The following PLXNA4 variants were observed in gnomAD, a reference collection of about 807,000 sequenced individuals.
PLXNA4 encodes plexin-A4.
In PLXNA4, 44 loss-of-function variants were observed where a neutral mutation model predicts 191.8. That is an observed-to-expected ratio of 0.23 (90% CI 0.18 to 0.29). The LOEUF is 0.29. PLXNA4 is among the 10% of genes least tolerant of loss of function. PLXNA4 has a pLI of 1.00. For synonymous variants in PLXNA4, 1,082 were observed against 1,009.5 expected (o/e 1.07, Z -1.36); for missense variants, 1,800 against 2,488.8 (o/e 0.72, Z 5.89).
intron 2 of PLXNA4, among the ~76,000 whole-genome samples, chr7:132,632,436 G>T (rs1218180865): frequency 3.9e-5 from 6 of 152,062 alleles, no homozygotes; most frequent in Non-Finnish European, 8.8e-5. Flanking sequence ...CCACTTTACG[G>T]ATCAGGAACC....
chr7:132,315,090 C>A (rs1237292623), intron 3 of PLXNA4, among the ~76,000 whole-genome samples: 3 of 152,210 alleles, frequency 2.0e-5, no homozygotes, highest in Non-Finnish European at 4.4e-5. Flanking sequence ...TCTTCCTTGA[C>A]TTTTCCATTT....
At position 132,240,933 on chromosome 7, in the gene PLXNA4, C is replaced by A. The variant is rs144815741; in HGVS notation, c.1604+133G>T. On this transcript the variant is annotated intron_variant, in intron 5 of 31. Transcript: ENST00000321063. ...AGGGAGATAACATTTGGAAAGGATG[C>A]AAGGAAGGAAGAGCAAGAATAGCTG... is the stretch of plus-strand genomic sequence containing the variant. 1.1e-3 allele frequency: 625 copies of A among 591,056 alleles called. 9 individuals are homozygous for A. The highest frequency in any genetic ancestry group is 0.011 in the African/African-American group (566 of 53,678). 36.6% of individuals were successfully genotyped at this position (591,056 alleles called of 1,614,324 possible). A position where few individuals can be genotyped will look rare whatever the true frequency, so the allele number is the denominator to read the frequency against.
At chr7:132,591,672 T>G (rs1032842550) in intron 2 of PLXNA4, among the ~76,000 whole-genome samples, 6 of 152,148 alleles carry the variant, frequency 3.9e-5, no homozygotes, top group African/African-American at 1.4e-4. Flanking sequence ...CTTAAAAACA[T>G]AACACATATA....
chr7:132,615,445 C>T (rs950365673), intron 2 of PLXNA4, among the ~76,000 whole-genome samples: 22 of 152,260 alleles, frequency 1.4e-4, no homozygotes, highest in African/African-American at 4.3e-4. Flanking sequence ...CCACCGCAGG[C>T]GGCCCGCAGT....
intron 10 of PLXNA4, among the ~76,000 whole-genome samples, chr7:132,210,572 A>G (rs1375450905): frequency 2.0e-5 from 3 of 152,250 alleles, no homozygotes; most frequent in African/African-American, 7.2e-5. Context: ...GGCAGGGCGC[A>G]GGGCTTTCAG....
At chr7:132,133,846 C>T (rs772506865) in intron 30 of PLXNA4, among the ~76,000 whole-genome samples, 13 of 152,204 alleles carry the variant, frequency 8.5e-5, no homozygotes, top group Non-Finnish European at 1.5e-4. Context: ...TAATGAGGAA[C>T]TGAAAGGCCT....
At chr7:132,221,781 G>A (rs911973454) in intron 9 of PLXNA4, among the ~76,000 whole-genome samples, 4 of 152,150 alleles carry the variant, frequency 2.6e-5, no homozygotes, top group Non-Finnish European at 5.9e-5. Context: ...TGAATCCATA[G>A]TAGCTATTTC....
chr7:132,288,793 G>A (rs1358563567), intron 4 of PLXNA4, among the ~76,000 whole-genome samples: 2 of 152,122 alleles, frequency 1.3e-5, no homozygotes. Flanking sequence ...ATTTTCACAG[G>A]AGCCCAGCAC....
At chr7:132,640,796 C>G (rs919560587) in intron 2 of PLXNA4, among the ~76,000 whole-genome samples, 9 of 151,272 alleles carry the variant, frequency 5.9e-5, no homozygotes, top group East Asian at 3.9e-4. Context: ...AAGGGGGGGG[C>G]CCTGCCAATT....
chr7:132,200,684 GA>G (rs1169272619), intron 12 of PLXNA4, among the ~76,000 whole-genome samples: 1 of 152,200 alleles, frequency 6.6e-6, no homozygotes, highest in Non-Finnish European at 1.5e-5. Flanking sequence ...AAATGTGTAG[GA>G]GGCCCACAAA....
At chr7:132,537,521 G>A (rs536033000) in intron 1 of PLXNA4, among the ~76,000 whole-genome samples, 10 of 152,308 alleles carry the variant, frequency 6.6e-5, no homozygotes, top group Middle Eastern at 3.4e-3. Context: ...AAGTTAAGAT[G>A]TGCTTTAAGG....
intron 1 of PLXNA4, among the ~76,000 whole-genome samples, chr7:132,562,435 C>G (rs575020315): frequency 7.8e-5 from 9 of 115,400 alleles, no homozygotes; most frequent in Admixed American, 1.8e-4. Flanking sequence ...ACTCCTTTTC[C>G]TCTTCATCCT....
Position 132,181,504 on chromosome 7 carries a change from G to C in PLXNA4, c.3369C>G (p.Asp1123Glu). The change falls in exon 18 of 32, where the codon GAC (aspartate) becomes GAG (glutamate). Residue 1123 changes from aspartate (D) to glutamate (E), a missense_variant. This residue lies in a region of PLXNA4 where 1,397 missense variants were observed against 1,880.4 expected (regional missense o/e 0.74). Coordinates refer to ENST00000321063, the MANE Select transcript of PLXNA4 (RefSeq NM_020911.2). ...ERPEEFGFILDNVQSLLILNK... is the reference protein window; with the variant it reads ...ERPEEFGFILENVQSLLILNK... Reference sequence around the variant, plus strand: ...TGAGGATGAGCAGGGACTGGACGTTGTCCAGGATGAAGCCAAACTCCTCGG... The same window carrying C: ...TGAGGATGAGCAGGGACTGGACGTTCTCCAGGATGAAGCCAAACTCCTCGG... The C allele has an allele frequency of 1.2e-6, 2 of 1,614,188 alleles. No homozygotes were observed. Among genetic ancestry groups the C allele is most frequent in the Non-Finnish European group, 1.7e-6 (2 of 1,180,034 alleles).
chr7:132,556,461 C>A (rs1010101138), intron 1 of PLXNA4, among the ~76,000 whole-genome samples: 1 of 152,234 alleles, frequency 6.6e-6, no homozygotes, highest in African/African-American at 2.4e-5. Flanking sequence ...CTGCAACTTG[C>A]TTTTGTAGGA....
chr7:132,409,585 C>A (rs1794366220), intron 3 of PLXNA4, among the ~76,000 whole-genome samples: 2 of 152,082 alleles, frequency 1.3e-5, no homozygotes, highest in South Asian at 4.2e-4. Context: ...AGCTCCCCAC[C>A]CTGGATGAGG....
intron 2 of PLXNA4, among the ~76,000 whole-genome samples, chr7:132,606,712 T>C (rs373262238): frequency 2.0e-5 from 3 of 152,220 alleles, no homozygotes; most frequent in East Asian, 3.9e-4. Context: ...GGCACAGTTT[T>C]ACACGTAACT....
At position 132,411,240 on chromosome 7, in the gene PLXNA4, G is replaced by A. The variant is rs568249083; in HGVS notation, c.1371+78052C>T. Among the ~76,000 whole-genome samples the A allele has an allele frequency of 7.9e-5, 12 of 152,252 alleles. No individual in the cohort carries two copies. The East Asian group carries it at 2.3e-3, about 29-fold the overall frequency. ...TGCAGATGAAAGCCCAAGTTCTCTT[G>A]GAGCTGGGTGATTCTCTGTGCAGGT... On this transcript the variant is annotated intron_variant, in intron 3 of 31. Transcript: ENST00000321063.
chr7:132,388,745 G>A (rs1294974133), intron 3 of PLXNA4, among the ~76,000 whole-genome samples: 1 of 152,214 alleles, frequency 6.6e-6, no homozygotes, highest in Admixed American at 6.5e-5. Flanking sequence ...GACAGAAACT[G>A]TCTCAACCTT....
At chr7:132,209,227 C>T (rs1206579168) in intron 10 of PLXNA4, among the ~76,000 whole-genome samples, 1 of 152,234 alleles carries the variant, frequency 6.6e-6, no homozygotes, top group Non-Finnish European at 1.5e-5. Context: ...TGGGCACAGC[C>T]ATCTGAGGCC....
Sources: gnomAD v4.1 joint callset for allele counts (sites outside exome capture counted in the v4.1 genomes callset) on GRCh38, gnomAD v4.1.1 for gene constraint, gnomAD v4.1.1 regional missense constraint, MANE v1.5 for transcripts, NCBI Gene and HGNC (gene_info 2026-07-23, HGNC 2026-07-21) for gene names.